Variants in PLCE1 observed in about 807,000 individuals in gnomAD.
PLCE1 encodes 1-phosphatidylinositol 4,5-bisphosphate phosphodiesterase epsilon-1.
PLCE1 carries 119 observed loss-of-function variants against 242.8 expected under a neutral mutation model. The ratio of observed to expected loss-of-function variants is 0.49; its 90% CI spans 0.42 to 0.57. The LOEUF (loss-of-function observed/expected upper bound fraction) is 0.57. Among genes scored for constraint, PLCE1 ranks in the 20% least tolerant of loss-of-function variants. The probability of loss-of-function intolerance (pLI) is 0.00; values close to 1 mark genes in which losing one functional copy is unlikely to be tolerated. For synonymous variants in PLCE1, 945 were observed against 1,017.4 expected, an observed-to-expected ratio of 0.93 and a Z score of 1.35; for missense variants, 2,441 against 2,788.8, an observed-to-expected ratio of 0.88 and a Z score of 2.81.
chr10:94,153,326 G>A (rs2047330863), intron 3 of PLCE1, among the ~76,000 whole-genome samples: 1 of 151,930 alleles, frequency 6.6e-6, no homozygotes, highest in African/African-American at 2.4e-5. Context: ...AACCACATGG[G>A]CATCTCAACA....
intron 4 of PLCE1, among the ~76,000 whole-genome samples, chr10:94,196,644 A>C (rs1321498297): frequency 2.0e-5 from 3 of 152,122 alleles, no homozygotes; most frequent in African/African-American, 7.2e-5. Context: ...AAATTTAAAA[A>C]TAAAAAAAGA....
intron 2 of PLCE1, among the ~76,000 whole-genome samples, chr10:94,119,285 A>G (rs1305183850): frequency 1.3e-5 from 2 of 152,150 alleles, no homozygotes; most frequent in African/African-American, 4.8e-5. Flanking sequence ...GTTTGAGGTT[A>G]TATCTTCAAT....
intron 27 of PLCE1, among the ~76,000 whole-genome samples, chr10:94,310,626 C>G (rs1308207066): frequency 6.6e-6 from 1 of 152,152 alleles, no homozygotes; most frequent in Admixed American, 6.5e-5. Flanking sequence ...GAATCACATG[C>G]TTTCAGAAAG....
At chr10:94,070,103 AC>A (rs1311182700) in intron 2 of PLCE1, among the ~76,000 whole-genome samples, 1 of 152,228 alleles carries the variant, frequency 6.6e-6, no homozygotes, top group Non-Finnish European at 1.5e-5. Flanking sequence ...CCCTACAGCC[AC>A]AGGCATATAC....
At position 94,198,070 on chromosome 10, in the gene PLCE1, C is replaced by T. The variant is rs906542854; in HGVS notation, c.1809+26574C>T. On this transcript the variant is annotated intron_variant, in intron 4 of 32. Coordinates refer to ENST00000371380, the MANE Select transcript of PLCE1 (RefSeq NM_016341.4). ...TTGGATGAACTGATGAACCACCCCCCACCAAAAAAAAAAAAGATATAATCT... is the reference window on the plus strand; with the variant it reads ...TTGGATGAACTGATGAACCACCCCCTACCAAAAAAAAAAAAGATATAATCT... Among the ~76,000 whole-genome samples the T allele has an allele frequency of 3.1e-5, 4 of 130,006 alleles. No homozygotes were observed. The South Asian group carries it at 6.8e-4, about 22-fold the overall frequency. 85.3% of individuals were successfully genotyped at this position (130,006 alleles called of 152,430 possible).
At chr10:94,315,701 C>T (rs1372375521) in intron 28 of PLCE1, among the ~76,000 whole-genome samples, 6 of 143,962 alleles carry the variant, frequency 4.2e-5, no homozygotes, top group Non-Finnish European at 7.5e-5. Flanking sequence ...CCTGGGAAGG[C>T]GGAGGTTGCA....
chr10:94,214,279 A>G (rs1265840360), intron 4 of PLCE1, among the ~76,000 whole-genome samples: 2 of 152,106 alleles, frequency 1.3e-5, no homozygotes, highest in Non-Finnish European at 2.9e-5. Flanking sequence ...AGGCACGATC[A>G]TTTACCCTAG....
intron 2 of PLCE1, among the ~76,000 whole-genome samples, chr10:94,083,830 G>A (rs1413294485): frequency 6.6e-6 from 1 of 152,174 alleles, no homozygotes; most frequent in African/African-American, 2.4e-5. Context: ...TGCTTCAACA[G>A]GGGCCTGTTG....
At chr10:94,267,998 G>T (rs917536261) in intron 16 of PLCE1, among the ~76,000 whole-genome samples, 12 of 152,142 alleles carry the variant, frequency 7.9e-5, no homozygotes, top group Non-Finnish European at 4.4e-5. Flanking sequence ...AAAATCAGTG[G>T]GTAGGCACAT....
chr10:94,233,987 T>G, intron 5 of PLCE1, 67 bp from the exon 6 acceptor site: 2 of 1,385,112 alleles, frequency 1.4e-6, no homozygotes, highest in South Asian at 2.4e-5. Context: ...TGTATGGAAT[T>G]TAGGCTCCTT....
chr10:94,139,155 G>A (rs572368676), intron 3 of PLCE1, among the ~76,000 whole-genome samples: 116 of 152,182 alleles, frequency 7.6e-4, no homozygotes, highest in Middle Eastern at 3.4e-3. Context: ...ATAGTGGCAC[G>A]TGCCTGTAAT....
chr10:94,259,863 A>G (rs994542967), intron 13 of PLCE1, among the ~76,000 whole-genome samples: 3 of 152,170 alleles, frequency 2.0e-5, no homozygotes, highest in African/African-American at 7.2e-5. Context: ...CAATCATGGA[A>G]GAAGATGAAA....
At position 94,298,786 on chromosome 10, in the gene PLCE1, T is replaced by C; in HGVS notation, c.5458+117T>C. ...GACTGGGGCACACCATATGTGAGAG[T>C]AAAAATATGATGATGGAAAACAGAA... is the stretch of plus-strand genomic sequence containing the variant. On this transcript the variant is annotated intron_variant, in intron 24 of 32. Transcript: ENST00000371380. The surrounding 1 kb of genome is among the most constrained non-coding windows in gnomAD (Gnocchi z 5.2). The C allele has an allele frequency of 9.9e-7, 1 of 1,006,680 alleles. No individual in the cohort carries two copies. The highest frequency in any genetic ancestry group is 1.6e-6 in the Non-Finnish European group (1 of 638,754). 62.4% of individuals were successfully genotyped at this position (1,006,680 alleles called of 1,614,324 possible).
chr10:94,046,972 T>G (rs1181958192), intron 2 of PLCE1, among the ~76,000 whole-genome samples: 1 of 152,198 alleles, frequency 6.6e-6, no homozygotes, highest in Non-Finnish European at 1.5e-5. Context: ...TTCCTTTTAT[T>G]CTTTTTTAAA....
At chr10:94,015,516 A>T (rs749329882) in intron 1 of PLCE1, among the ~76,000 whole-genome samples, 3 of 152,164 alleles carry the variant, frequency 2.0e-5, no homozygotes, top group Non-Finnish European at 4.4e-5. Context: ...TGGTGCCTGA[A>T]CCAGATCCTT....
chr10:94,240,713 A>G (rs891367593), intron 7 of PLCE1, among the ~76,000 whole-genome samples: 1 of 152,220 alleles, frequency 6.6e-6, no homozygotes, highest in African/African-American at 2.4e-5. Context: ...AATTTTCATC[A>G]GGGAACATTA....
At chr10:94,308,500 C>T in intron 26 of PLCE1, 81 bp from the exon 27 acceptor site, 1 of 957,272 alleles carries the variant, frequency 1.0e-6, no homozygotes, top group Non-Finnish European at 1.7e-6. Flanking sequence ...GTCTTTCTAC[C>T]TGTCATTTGC....
intron 7 of PLCE1, among the ~76,000 whole-genome samples, chr10:94,237,731 T>C (rs1016527539): frequency 6.6e-6 from 1 of 152,236 alleles, no homozygotes; most frequent in African/African-American, 2.4e-5. Context: ...TTGGTGGGGC[T>C]GTTTAATAGA....
At chr10:94,259,953 C>T (rs752855883) in intron 13 of PLCE1, among the ~76,000 whole-genome samples, 9 of 152,172 alleles carry the variant, frequency 5.9e-5, no homozygotes, top group Non-Finnish European at 1.3e-4. Flanking sequence ...TCTCATGAGA[C>T]TTATTCACTA....
Sources: gnomAD v4.1 joint callset for allele counts (sites outside exome capture counted in the v4.1 genomes callset) on GRCh38, gnomAD v4.1.1 for gene constraint, Gnocchi (gnomAD v3.1) non-coding constraint, MANE v1.5 for transcripts, NCBI Gene and HGNC (gene_info 2026-07-23, HGNC 2026-07-21) for gene names.